Variants in CNTNAP2 observed in about 807,000 individuals in gnomAD.
The protein encoded by CNTNAP2 is contactin associated protein 2.
Under a neutral mutation model 155.2 loss-of-function variants are expected in CNTNAP2, and 98 were observed. The observed-to-expected ratio is 0.63, with a 90% CI of 0.54 to 0.75. CNTNAP2 has a LOEUF of 0.75. Ranked by LOEUF, CNTNAP2 falls within the 30% of genes least tolerant of loss-of-function variation. The pLI, the probability that CNTNAP2 is intolerant of heterozygous loss-of-function variation, is 0.00. For synonymous variants in CNTNAP2, 651 were observed against 631.2 expected, an observed-to-expected ratio of 1.03 and a Z score of -0.47; for missense variants, 1,727 against 1,688.1, an observed-to-expected ratio of 1.02 and a Z score of -0.40.
intron 1 of CNTNAP2, among the ~76,000 whole-genome samples, chr7:146,573,744 G>A (rs10216262): frequency 0.76 from 116,147 of 151,952 alleles, 44,885 homozygotes; most frequent in South Asian, 0.88. Flanking sequence ...TGAGCCTTTA[G>A]TGTCAAATTT....
intron 21 of CNTNAP2, among the ~76,000 whole-genome samples, chr7:148,299,868 GA>G: frequency 6.6e-6 from 1 of 152,150 alleles, no homozygotes; most frequent in Non-Finnish European, 1.5e-5. Context: ...TCTTAACTAA[GA>G]AAAGAGATTT....
intron 1 of CNTNAP2, among the ~76,000 whole-genome samples, chr7:146,533,908 A>G (rs1363204151): frequency 6.6e-6 from 1 of 152,196 alleles, no homozygotes; most frequent in Non-Finnish European, 1.5e-5. Context: ...ACTAGATGTT[A>G]TTGGCAATAA....
intron 14 of CNTNAP2, among the ~76,000 whole-genome samples, chr7:147,945,537 AT>A (rs1463562872): frequency 6.6e-6 from 1 of 152,138 alleles, no homozygotes. Context: ...AAAGCTTTTT[AT>A]TTGGGACAGT....
In CNTNAP2 at chr7:146,849,484, C is replaced by T. The variant is rs28461908; in HGVS notation, c.402+9580C>T. 5.2e-3 allele frequency among the ~76,000 whole-genome samples: 793 copies of T among 152,250 alleles called. 8 individuals are homozygous for T. Among genetic ancestry groups the T allele is most frequent in the African/African-American group, 0.017 (726 of 41,528 alleles). Reference sequence around the variant, plus strand: ...TTGAAAATACTATTGAATACATACACGATATTTATAGAACAAGATAGCATG... The same window carrying T: ...TTGAAAATACTATTGAATACATACATGATATTTATAGAACAAGATAGCATG... On this transcript the variant is annotated intron_variant, in intron 3 of 23. Transcript: ENST00000361727.
At chr7:147,347,738 A>G (rs1427749742) in intron 9 of CNTNAP2, among the ~76,000 whole-genome samples, 1 of 152,056 alleles carries the variant, frequency 6.6e-6, no homozygotes, top group Non-Finnish European at 1.5e-5. Flanking sequence ...TCCTGAGCAA[A>G]AAGAAAAATG....
intron 1 of CNTNAP2, among the ~76,000 whole-genome samples, chr7:146,623,410 G>A (rs558574237): frequency 6.6e-6 from 1 of 152,106 alleles, no homozygotes; most frequent in South Asian, 2.1e-4. Flanking sequence ...CTAAAAAAAT[G>A]CCCTGTGCTT....
intron 9 of CNTNAP2, among the ~76,000 whole-genome samples, chr7:147,345,779 G>A (rs75782160): frequency 0.17 from 26,104 of 151,950 alleles, 2,835 homozygotes; most frequent in Non-Finnish European, 0.24. Flanking sequence ...CAGATTATTT[G>A]TAATACTTTG....
chr7:147,018,284 T>C (rs1798760416), intron 3 of CNTNAP2, among the ~76,000 whole-genome samples: 1 of 152,102 alleles, frequency 6.6e-6, no homozygotes, highest in Admixed American at 6.6e-5. Context: ...ACAAGCCCAA[T>C]TTCTTTCTTG....
At chr7:148,238,343 A>G (rs1830452) in intron 20 of CNTNAP2, among the ~76,000 whole-genome samples, 107,246 of 151,966 alleles carry the variant, frequency 0.71, 38,991 homozygotes, top group South Asian at 0.91. Flanking sequence ...GCGAAACTCC[A>G]TCTCAAAAAA....
intron 1 of CNTNAP2, among the ~76,000 whole-genome samples, chr7:146,669,542 G>A (rs1318092214): frequency 1.3e-5 from 2 of 152,106 alleles, no homozygotes; most frequent in African/African-American, 2.4e-5. Context: ...TACTTTATGT[G>A]TTTTAAGTAT....
At chr7:147,547,313 G>A (rs2116757290) in intron 11 of CNTNAP2, among the ~76,000 whole-genome samples, 1 of 152,258 alleles carries the variant, frequency 6.6e-6, no homozygotes, top group Middle Eastern at 3.4e-3. Context: ...GACTGATGCA[G>A]TGACCCAGAC....
At chr7:148,401,088 G>T (rs966480573) in intron 22 of CNTNAP2, among the ~76,000 whole-genome samples, 6 of 152,008 alleles carry the variant, frequency 3.9e-5, no homozygotes, top group South Asian at 2.1e-4. Context: ...GAATATTTTT[G>T]ATCTGAGTTT....
At chr7:146,630,586 A>AC in intron 1 of CNTNAP2, among the ~76,000 whole-genome samples, 1 of 152,094 alleles carries the variant, frequency 6.6e-6, no homozygotes, top group African/African-American at 2.4e-5. Flanking sequence ...ACTGATTTAC[A>AC]CCCCCACTAA....
At chr7:146,461,378 C>G (rs1796633724) in intron 1 of CNTNAP2, among the ~76,000 whole-genome samples, 1 of 149,272 alleles carries the variant, frequency 6.7e-6, no homozygotes, top group Non-Finnish European at 1.5e-5. Flanking sequence ...GCAGTCTGGC[C>G]TGGGCAAAAG....
intron 10 of CNTNAP2, among the ~76,000 whole-genome samples, chr7:147,427,398 A>C (rs1184287692): frequency 6.6e-6 from 1 of 152,144 alleles, no homozygotes; most frequent in Non-Finnish European, 1.5e-5. Flanking sequence ...CTTTCAACAG[A>C]TAGAGATAAG....
At chr7:147,557,045 G>A (rs1799965248) in intron 11 of CNTNAP2, among the ~76,000 whole-genome samples, 1 of 150,614 alleles carries the variant, frequency 6.6e-6, no homozygotes, top group African/African-American at 2.5e-5. Flanking sequence ...GCTGAGGCAG[G>A]CGGGGGTCAG....
intron 14 of CNTNAP2, among the ~76,000 whole-genome samples, chr7:147,938,587 T>A (rs1189106875): frequency 1.3e-5 from 2 of 152,182 alleles, no homozygotes; most frequent in Non-Finnish European, 2.9e-5. Flanking sequence ...ACTTTAAATA[T>A]ATTACAGGAA....
At chr7:146,163,479 ATATC>A (rs1216792812) in intron 1 of CNTNAP2, among the ~76,000 whole-genome samples, 4 of 144,082 alleles carry the variant, frequency 2.8e-5, no homozygotes, top group African/African-American at 5.1e-5. Flanking sequence ...ATATCTATAT[ATATC>A]TATCTATATC....
intron 13 of CNTNAP2, among the ~76,000 whole-genome samples, chr7:147,893,224 TTTTTA>T (rs1468157918): frequency 6.6e-6 from 1 of 152,200 alleles, no homozygotes; most frequent in African/African-American, 2.4e-5. Flanking sequence ...AATACATGAT[TTTTTA>T]TTTTATTTTT....
Sources: allele counts gnomAD v4.1 joint callset (sites outside exome capture counted in the v4.1 genomes callset), GRCh38; gene constraint gnomAD v4.1.1; transcripts MANE v1.5; gene names NCBI Gene and HGNC (gene_info 2026-07-23, HGNC 2026-07-21).